The following RBFOX1 variants were observed in gnomAD, a reference collection of about 807,000 sequenced individuals.
RBFOX1 encodes the protein RNA binding protein fox-1 homolog 1.
RBFOX1 carries 8 observed loss-of-function variants against 57.7 expected under a neutral mutation model. That is an observed-to-expected ratio of 0.14 (90% confidence interval 0.08 to 0.25). The LOEUF is 0.25. Among genes scored for constraint, RBFOX1 ranks in the 10% least tolerant of loss-of-function variants. RBFOX1 has a pLI of 1.00. For missense variants in RBFOX1, 611 were observed against 548.5 expected, an observed-to-expected ratio of 1.11 and a Z score of -1.14; for synonymous variants, 326 against 222.4, an observed-to-expected ratio of 1.47 and a Z score of -4.15.
At chr16:6,705,374 T>C (rs1327573829) in intron 3 of RBFOX1, 1 of 152,198 alleles carries the variant, frequency 6.6e-6, no homozygotes, top group African/African-American at 2.4e-5. Flanking sequence ...TGAATCATGT[T>C]TAGCTTAATT....
At chr16:6,534,710 G>C (rs2096711812) in intron 2 of RBFOX1, among the ~76,000 whole-genome samples, 1 of 152,144 alleles carries the variant, frequency 6.6e-6, no homozygotes, top group African/African-American at 2.4e-5. Flanking sequence ...TCTGCTGGGG[G>C]AGAAGCACAG....
intron 3 of RBFOX1, among the ~76,000 whole-genome samples, chr16:5,642,135 A>T (rs538062051): frequency 1.3e-5 from 2 of 152,232 alleles, no homozygotes; most frequent in East Asian, 3.9e-4. Flanking sequence ...CTGAAGAGTG[A>T]TTCACTTTAG....
chr16:6,640,456 G>A (rs7500277), intron 2 of RBFOX1, among the ~76,000 whole-genome samples: 127,986 of 151,620 alleles, frequency 0.84, 55,029 homozygotes, highest in Middle Eastern at 0.98. Flanking sequence ...TAAAAATGCA[G>A]AAATTAGCCA....
chr16:6,271,283 G>C (rs1008730855), intron 1 of RBFOX1, among the ~76,000 whole-genome samples: 1 of 152,100 alleles, frequency 6.6e-6, no homozygotes, highest in Non-Finnish European at 1.5e-5. Flanking sequence ...AATTAGCCGA[G>C]CATAGTGGCA....
At chr16:6,958,500 G>A (rs1050539074) in intron 3 of RBFOX1, among the ~76,000 whole-genome samples, 6 of 152,048 alleles carry the variant, frequency 3.9e-5, no homozygotes, top group Admixed American at 3.3e-4. Context: ...GTGATACAAT[G>A]GTCTGTTGAC....
downstream of RBFOX1, among the ~76,000 whole-genome samples, chr16:5,603,307 A>G (rs1016177886): frequency 2.6e-5 from 4 of 152,236 alleles, no homozygotes; most frequent in Non-Finnish European, 5.9e-5. Context: ...GAGTAGTCCA[A>G]GGAGGGAAGA....
intron 4 of RBFOX1, among the ~76,000 whole-genome samples, chr16:7,112,692 C>T (rs565847548): frequency 7.1e-6 from 1 of 141,392 alleles, no homozygotes; most frequent in African/African-American, 2.7e-5. Flanking sequence ...GTGGGTGTGT[C>T]TCTCTGTCTG....
At chr16:7,603,270 A>G (rs1330750221) in intron 9 of RBFOX1, among the ~76,000 whole-genome samples, 1 of 152,240 alleles carries the variant, frequency 6.6e-6, no homozygotes, top group Non-Finnish European at 1.5e-5. Context: ...AGGAAAAACT[A>G]TATTCCTTTA....
intron 3 of RBFOX1, among the ~76,000 whole-genome samples, chr16:6,720,286 TC>T (rs1482990277): frequency 6.6e-6 from 1 of 152,114 alleles, no homozygotes; most frequent in Non-Finnish European, 1.5e-5. Flanking sequence ...TCACTCTTTT[TC>T]TCCTGTTTCT....
chr16:5,949,969 C>G (rs564967746), intron 4 of RBFOX1, among the ~76,000 whole-genome samples: 2 of 152,312 alleles, frequency 1.3e-5, no homozygotes, highest in Non-Finnish European at 2.9e-5. Flanking sequence ...TAATTTTTGA[C>G]AAGAATGTTA....
intron 1 of RBFOX1, among the ~76,000 whole-genome samples, chr16:5,415,796 A>T (rs776487594): frequency 6.6e-6 from 1 of 152,240 alleles, no homozygotes; most frequent in Non-Finnish European, 1.5e-5. Context: ...AGCAAAAATA[A>T]TGACAGTGGT....
intron 2 of RBFOX1, among the ~76,000 whole-genome samples, chr16:6,468,239 G>T (rs148446602): frequency 7.9e-5 from 12 of 152,172 alleles, no homozygotes; most frequent in East Asian, 3.9e-4. Context: ...GTTATGAAGG[G>T]CCCACAGTTT....
At chr16:5,888,860 C>T (rs12325596) in intron 4 of RBFOX1, among the ~76,000 whole-genome samples, 42,762 of 142,568 alleles carry the variant, frequency 0.3, 6,309 homozygotes, top group South Asian at 0.46. Context: ...AAGGAATAAA[C>T]AATAGCATGT....
intron 3 of RBFOX1, among the ~76,000 whole-genome samples, chr16:5,732,791 G>A (rs7184229): frequency 0.42 from 64,327 of 152,050 alleles, 17,695 homozygotes; most frequent in East Asian, 0.79. Flanking sequence ...GAACAAAGCC[G>A]GGCTTGTTCT....
chr16:5,720,576 T>A (rs568261697), intron 3 of RBFOX1, among the ~76,000 whole-genome samples: 5 of 152,200 alleles, frequency 3.3e-5, no homozygotes, highest in Non-Finnish European at 7.3e-5. Context: ...AGCTCTTCCG[T>A]TTAGGTCTAT....
chr16:7,582,354 T>C (rs2093838142), intron 6 of RBFOX1, among the ~76,000 whole-genome samples: 1 of 152,174 alleles, frequency 6.6e-6, no homozygotes, highest in Admixed American at 6.5e-5. Context: ...ATGCAAGATT[T>C]ATTTGTTTCT....
At chr16:7,524,044 T>C (rs1240256615) in intron 5 of RBFOX1, among the ~76,000 whole-genome samples, 1 of 152,202 alleles carries the variant, frequency 6.6e-6, no homozygotes, top group Non-Finnish European at 1.5e-5. Flanking sequence ...CCTAGGTCAT[T>C]CCCCATAGGA....
intron 3 of RBFOX1, among the ~76,000 whole-genome samples, chr16:6,905,586 C>A (rs1032427517): frequency 6.6e-6 from 1 of 151,648 alleles, no homozygotes; most frequent in African/African-American, 2.4e-5. Flanking sequence ...TTTGGTTACC[C>A]CTTCAAATCA....
At chr16:6,859,780 G>T (rs2058681083) in intron 3 of RBFOX1, among the ~76,000 whole-genome samples, 1 of 151,948 alleles carries the variant, frequency 6.6e-6, no homozygotes, top group Non-Finnish European at 1.5e-5. Flanking sequence ...TACTGCTAAG[G>T]CTCCAAAAGG....
Sources: allele counts gnomAD v4.1 joint callset (sites outside exome capture counted in the v4.1 genomes callset), GRCh38; gene constraint gnomAD v4.1.1; transcripts MANE v1.5; gene names NCBI Gene and HGNC (gene_info 2026-07-23, HGNC 2026-07-21).